Variants in TTC5 observed in about 807,000 individuals in gnomAD.
TTC5 encodes tetratricopeptide repeat protein 5.
TTC5 carries 46 observed loss-of-function variants against 57.4 expected under a neutral mutation model. The ratio of observed to expected loss-of-function variants is 0.80; its 90% CI spans 0.63 to 1.03. The LOEUF (loss-of-function observed/expected upper bound fraction) is 1.03. Among genes scored for constraint, TTC5 ranks in the 50% least tolerant of loss-of-function variants. The pLI, the probability that TTC5 is intolerant of heterozygous loss-of-function variation, is 0.00. For missense variants in TTC5, 504 were observed against 528.1 expected, an observed-to-expected ratio of 0.95 and a Z score of 0.45; for synonymous variants, 190 against 203.5, an observed-to-expected ratio of 0.93 and a Z score of 0.57.
In TTC5 at chr14:20,288,603, A is replaced by C. The variant is rs1031969782; in HGVS notation, c.*1024T>G. On this transcript the variant is annotated 3_prime_UTR_variant, in exon 10 of 10. Coordinates refer to ENST00000258821, the MANE Select transcript of TTC5 (RefSeq NM_138376.3). ...GCTAATTTTTGTATTTTTAGTAGAG[A>C]CGGAGTTTCACCATCTTGGCCAGGC... 3.3e-5 allele frequency: 5 copies of C among 152,260 alleles called. No individual in the cohort carries two copies. In the East Asian group the frequency reaches 9.6e-4, roughly 29 times the overall value. 9.4% of individuals were successfully genotyped at this position (152,260 alleles called of 1,614,324 possible).
chr14:20,302,840 T>G (rs897465948), intron 1 of TTC5, among the ~76,000 whole-genome samples: 1 of 152,210 alleles, frequency 6.6e-6, no homozygotes, highest in Non-Finnish European at 1.5e-5. Flanking sequence ...AAAAATATTG[T>G]ATCAAATTAC....
rs745795266 is a variant in TTC5, at chr14:20,299,280, T to G, written c.547+18A>C. 1.4e-4 allele frequency: 218 copies of G among 1,609,898 alleles called. 1 individual carries two copies. In the East Asian group the frequency reaches 4.8e-3, roughly 36 times the overall value. ...ATCTGCTCTAGAAACCTGTTGGAGATCTTTTGAGAGCACTCACACCAGGAG... is the reference window on the plus strand; with the variant it reads ...ATCTGCTCTAGAAACCTGTTGGAGAGCTTTTGAGAGCACTCACACCAGGAG... On this transcript the variant is annotated intron_variant, in intron 4 of 9. Transcript: ENST00000258821.
rs1373890283 is a variant in TTC5 at position 20,289,582 on chromosome 14, C to T, written c.*45G>A. 1.3e-6 allele frequency: 2 copies of T among 1,583,206 alleles called. No homozygotes were observed. The highest frequency in any genetic ancestry group is 3.5e-5 in the Admixed American group (2 of 57,174). On this transcript the variant is annotated 3_prime_UTR_variant, in exon 10 of 10. Transcript: ENST00000258821. ...TGTGGCTGGACCGGCTGTCCAGAGC[C>T]TTGTCTCCTCTCCTCCACTCCCTGT...
At chr14:20,293,682 G>A (rs184880741) in intron 8 of TTC5, 1 of 152,124 alleles carries the variant, frequency 6.6e-6, no homozygotes, top group Admixed American at 6.5e-5. Flanking sequence ...GTGATAAGGG[G>A]GTGAATTAAG....
In TTC5 at chr14:20,302,278, G is replaced by A. The variant is rs117301228; in HGVS notation, c.52-313C>T. ...CTTCACATACCACAGTCATGAGGAG[G>A]GAAACACTGCAACTTAAGATAAACC... On this transcript the variant is annotated intron_variant, in intron 1 of 9. Transcript: ENST00000258821. Among the ~76,000 whole-genome samples the A allele has an allele frequency of 1.9e-4, 29 of 152,252 alleles. 1 individual carries two copies. In the East Asian group the frequency reaches 4.8e-3, roughly 25 times the overall value.
rs1434923775 is a variant in TTC5 at position 20,287,102 on chromosome 14, T to C, written c.*2525A>G. 3.3e-5 allele frequency: 5 copies of C among 152,320 alleles called. No individual in the cohort carries two copies. The highest frequency in any genetic ancestry group is 4.8e-5 in the African/African-American group (2 of 41,562). 9.4% of individuals were successfully genotyped at this position (152,320 alleles called of 1,614,324 possible). A position where few individuals can be genotyped will look rare whatever the true frequency, so the allele number is the denominator to read the frequency against. On this transcript the variant is annotated 3_prime_UTR_variant, in exon 10 of 10. Transcript: ENST00000258821. ...TAGTGCTTCTCAAAAAAGTTGAACA[T>C]GTATATACTCTATGATCCAGCAATT... is the stretch of plus-strand genomic sequence containing the variant.
chr14:20,294,307 C>CG (rs1421951399), intron 8 of TTC5: 2 of 151,696 alleles, frequency 1.3e-5, no homozygotes, highest in Non-Finnish European at 2.9e-5. Flanking sequence ...GGCAAAATAT[C>CG]TATTTGTTCT....
Position 20,300,721 on chromosome 14 carries a change from C to G in TTC5, c.282G>C (p.Lys94Asn). The change falls in exon 3 of 10, where the codon AAG becomes AAC. Residue 94 changes from lysine (K) to asparagine (N), a missense_variant. By Grantham distance (94) the Lys-to-Asn change is moderately conservative. Transcript: ENST00000258821. ...CCAGCTCGGGCTCCAGCTTCACAGC[C>G]TTTGACAGAAGCTCCTCAGCCTTAG... is the stretch of plus-strand genomic sequence containing the variant. ...YSPKAEELLSKAVKLEPELVE... is the reference protein window; with the variant it reads ...YSPKAEELLSNAVKLEPELVE... 1 of 1,614,170 alleles carries G rather than the reference C, an allele frequency of 6.2e-7. No individual in the cohort carries two copies. The highest frequency in any genetic ancestry group is 8.5e-7 in the Non-Finnish European group (1 of 1,180,016).
chr14:20,300,158 T>A (rs1296536263), intron 3 of TTC5, among the ~76,000 whole-genome samples: 19,770 of 48,878 alleles, frequency 0.4, 3,412 homozygotes, highest in Non-Finnish European at 0.47. Flanking sequence ...TATATATATT[T>A]TTTTTTTTTT....
intron 1 of TTC5, among the ~76,000 whole-genome samples, chr14:20,303,481 C>T (rs1343981571): frequency 6.6e-6 from 1 of 152,196 alleles, no homozygotes; most frequent in Non-Finnish European, 1.5e-5. Context: ...GATATAATCA[C>T]TTCCCTTCGA....
intron 3 of TTC5, among the ~76,000 whole-genome samples, chr14:20,299,837 C>T (rs1882145945): frequency 6.6e-6 from 1 of 150,688 alleles, no homozygotes; most frequent in Admixed American, 6.6e-5. Flanking sequence ...CAGGTGTGAG[C>T]CACCACGCCT....
In TTC5 at chr14:20,296,446, C is replaced by T; in HGVS notation, c.640G>A (p.Glu214Lys). ...CTAGAAGCTTTTCTGTCAACTTTCTCCTATAATGGGATGAAAAGATTATCA... is the reference window on the plus strand; with the variant it reads ...CTAGAAGCTTTTCTGTCAACTTTCTTCTATAATGGGATGAAAAGATTATCA... ...QQALSAYAQA[E>K]KVDRKASSNP... Residue 214 changes from glutamate to lysine, a missense_variant and splice_region_variant, in exon 6 of 10, where the codon GAG (glutamate) becomes AAG (lysine). Physicochemically the swap from Glu to Lys is moderately conservative, Grantham distance 56. Transcript: ENST00000258821. 1 of 1,610,286 alleles carries T rather than the reference C, an allele frequency of 6.2e-7. No individual in the cohort carries two copies. Among genetic ancestry groups the T allele is most frequent in the Non-Finnish European group, 8.5e-7 (1 of 1,176,460 alleles).
At chr14:20,304,216 G>C (rs1201364458) in intron 1 of TTC5, among the ~76,000 whole-genome samples, 1 of 152,112 alleles carries the variant, frequency 6.6e-6, no homozygotes, top group African/African-American at 2.4e-5. Context: ...CACTACACTT[G>C]ATTGAATTAA....
At position 20,289,660 on chromosome 14, in the gene TTC5, A is replaced by C. The variant is rs371290442; in HGVS notation, c.1290T>G (p.Val430=). 2.5e-6 allele frequency: 4 copies of C among 1,613,804 alleles called. No individual in the cohort carries two copies. Among genetic ancestry groups the C allele is most frequent in the Non-Finnish European group, 2.5e-6 (3 of 1,179,762 alleles). Residue 430 remains valine, a synonymous_variant, in exon 10 of 10, where the codon GTT becomes GTG. Transcript: ENST00000258821. ...ACTGTGGTCGCGATGCCACTGTGGC[A>C]ACAGCCTGGCTGCTGGATCCCTGAG... ...GKPQGSSSQA[V]ATVASRPQCE
chr14:20,289,801 C>T, intron 9 of TTC5, 55 bp from the exon 10 acceptor site: 4 of 1,550,302 alleles, frequency 2.6e-6, no homozygotes, highest in African/African-American at 1.4e-5. Context: ...GGAAAAAGCT[C>T]CAGCATGGGG....
intron 6 of TTC5, 106 bp from the exon 7 acceptor site, chr14:20,295,960 G>T: frequency 8.4e-7 from 1 of 1,186,518 alleles, no homozygotes; most frequent in Non-Finnish European, 1.2e-6. Flanking sequence ...TTCCTTCCTG[G>T]TTATTTTCCT....
At position 20,289,613 on chromosome 14, in the gene TTC5, A is replaced by G. The variant is rs1235107670; in HGVS notation, c.*14T>C. On this transcript the variant is annotated 3_prime_UTR_variant, in exon 10 of 10. Transcript: ENST00000258821. ...TCCTCTCCTCCACTCCCTGTTGAGC[A>G]TGCAAGTCAAAGGTCATTCACACTG... 1.2e-5 allele frequency: 19 copies of G among 1,608,054 alleles called. No individual in the cohort carries two copies. In the South Asian group the frequency reaches 1.7e-4, roughly 14 times the overall value.
chr14:20,301,114 C>T (rs921418803), intron 2 of TTC5, among the ~76,000 whole-genome samples: 6 of 152,108 alleles, frequency 3.9e-5, no homozygotes, highest in East Asian at 1.9e-4. Flanking sequence ...GAAGACAAAG[C>T]GTAAACATGG....
At chr14:20,293,504 A>G (rs886249967) in intron 8 of TTC5, 2 of 152,216 alleles carry the variant, frequency 1.3e-5, no homozygotes, top group African/African-American at 4.8e-5. Flanking sequence ...AGGACTTTGT[A>G]TGCTAACCTA....
Sources: gnomAD v4.1 joint callset for allele counts (sites outside exome capture counted in the v4.1 genomes callset) on GRCh38, gnomAD v4.1.1 for gene constraint, MANE v1.5 for transcripts, NCBI Gene and HGNC (gene_info 2026-07-23, HGNC 2026-07-21) for gene names.